Variants in SNRPN observed in about 807,000 individuals in gnomAD.
SNRPN encodes the protein small nuclear ribonucleoprotein polypeptide N, also known as small nuclear ribonucleoprotein-associated protein N.
In SNRPN, 7 loss-of-function variants were observed where a neutral mutation model predicts 25.2. That is an observed-to-expected ratio of 0.28 (90% CI 0.16 to 0.52). SNRPN has a LOEUF of 0.52. Among genes scored for constraint, SNRPN ranks in the 20% least tolerant of loss-of-function variants. The pLI is 0.96. For missense variants in SNRPN, 196 were observed against 322.5 expected, an observed-to-expected ratio of 0.61 and a Z score of 3.00; for synonymous variants, 124 against 110.6, an observed-to-expected ratio of 1.12 and a Z score of -0.76.
At chr15:24,909,410 T>A (rs889362580) in intron 2 of SNRPN, 1 of 1,596,170 alleles carries the variant, frequency 6.3e-7, no homozygotes. Flanking sequence ...GGCACTTGGC[T>A]GACCATCAAT....
At chr15:24,857,557 T>TTAAG (rs1392627237) in intron 1 of SNRPN, among the ~76,000 whole-genome samples, 1 of 147,856 alleles carries the variant, frequency 6.8e-6, no homozygotes, top group African/African-American at 2.5e-5. Flanking sequence ...TTAGCATTTT[T>TTAAG]TAAGTTTTCA....
intron 3 of SNRPN, among the ~76,000 whole-genome samples, chr15:24,928,202 C>G (rs2060543177): frequency 6.6e-6 from 1 of 151,970 alleles, no homozygotes; most frequent in Admixed American, 6.6e-5. Flanking sequence ...ATGGAACTAC[C>G]CTGTGAACCA....
intron 3 of SNRPN, among the ~76,000 whole-genome samples, chr15:24,921,485 C>T (rs927457345): frequency 6.6e-6 from 1 of 152,116 alleles, no homozygotes; most frequent in Non-Finnish European, 1.5e-5. Flanking sequence ...AACTGTGATA[C>T]GGAATCCTAA....
rs553022355 is a variant in SNRPN, at chr15:24,826,193, A to G, written c.-687+2343A>G. ...CATGTCTCTGTAGAAAATGGCTGGC[A>G]TAAGTCAATTTCTGACTGGGAGCTG... is the stretch of plus-strand genomic sequence containing the variant. On this transcript the variant is annotated intron_variant, in intron 1 of 12. Coordinates refer to the SNRPN transcript ENST00000400100. Among the ~76,000 whole-genome samples the G allele has an allele frequency of 3.2e-4, 49 of 152,196 alleles. 1 individual carries two copies. Among genetic ancestry groups the G allele is most frequent in the African/African-American group, 1.1e-3 (44 of 41,458 alleles).
At chr15:24,902,016 AG>A (rs1457753780) in intron 2 of SNRPN, among the ~76,000 whole-genome samples, 1 of 152,250 alleles carries the variant, frequency 6.6e-6, no homozygotes, top group Non-Finnish European at 1.5e-5. Flanking sequence ...ACGTAAGACA[AG>A]ATCTAATATT....
intron 3 of SNRPN, among the ~76,000 whole-genome samples, chr15:24,924,372 G>A (rs908474118): frequency 6.6e-6 from 1 of 152,022 alleles, no homozygotes; most frequent in African/African-American, 2.4e-5. Flanking sequence ...GTCTGCGTGT[G>A]TTATCAAGGT....
At chr15:24,930,925 G>T (rs1258156682) in intron 3 of SNRPN, among the ~76,000 whole-genome samples, 1 of 151,448 alleles carries the variant, frequency 6.6e-6, no homozygotes, top group African/African-American at 2.4e-5. Context: ...AATTAGCCAG[G>T]CATGGTGGTG....
In SNRPN at chr15:24,975,512, A is replaced by G; in HGVS notation, c.155+3A>G. 1 of 1,612,620 alleles carries G rather than the reference A, an allele frequency of 6.2e-7. No homozygotes were observed. Among genetic ancestry groups the G allele is most frequent in the Non-Finnish European group, 8.5e-7 (1 of 1,179,152 alleles). On this transcript the variant is annotated splice_donor_region_variant and intron_variant, in intron 5 of 9. Transcript: ENST00000390687. ...TGTGATGAGTTCAGAAAGATCAAGTAAGGCTGATTTGGGCAAATGGGGGTT... is the reference window on the plus strand; with the variant it reads ...TGTGATGAGTTCAGAAAGATCAAGTGAGGCTGATTTGGGCAAATGGGGGTT...
intron 1 of SNRPN, among the ~76,000 whole-genome samples, chr15:24,956,994 C>T (rs916916524): frequency 6.6e-6 from 1 of 152,200 alleles, no homozygotes; most frequent in Non-Finnish European, 1.5e-5. Flanking sequence ...TTTTCTGACT[C>T]CCTGGAAAAT....
intron 1 of SNRPN, chr15:24,958,598 GTCTC>G (rs1264457792): frequency 7.0e-6 from 1 of 143,570 alleles, no homozygotes; most frequent in Non-Finnish European, 1.5e-5. Flanking sequence ...TCCCTCCTCA[GTCTC>G]TCTCTGGCCA....
chr15:24,868,858 C>A (rs989382599), intron 1 of SNRPN, among the ~76,000 whole-genome samples: 1 of 151,992 alleles, frequency 6.6e-6, no homozygotes, highest in East Asian at 1.9e-4. Flanking sequence ...AAGGAGAGAC[C>A]AGGTGCAATA....
At chr15:24,927,951 C>T (rs1001669687) in intron 3 of SNRPN, among the ~76,000 whole-genome samples, 12 of 152,138 alleles carry the variant, frequency 7.9e-5, no homozygotes, top group South Asian at 2.1e-4. Context: ...CTATTGTGGT[C>T]GTCAAAATGA....
chr15:24,881,891 T>C (rs958410964), intron 1 of SNRPN, among the ~76,000 whole-genome samples: 3 of 152,154 alleles, frequency 2.0e-5, no homozygotes, highest in Admixed American at 6.5e-5. Flanking sequence ...AGCCTGGCTT[T>C]AGGATCAGAT....
intron 2 of SNRPN, among the ~76,000 whole-genome samples, chr15:24,890,033 T>C (rs1355677437): frequency 7.0e-6 from 1 of 142,298 alleles, no homozygotes; most frequent in Non-Finnish European, 1.5e-5. Context: ...CTAGGTGAGA[T>C]TGAAACTCCA....
At chr15:24,845,337 G>C (rs901879346) in intron 2 of SNRPN, among the ~76,000 whole-genome samples, 1 of 152,134 alleles carries the variant, frequency 6.6e-6, no homozygotes, top group Non-Finnish European at 1.5e-5. Context: ...GGTGGCTCAC[G>C]CCTGTAATCT....
intron 1 of SNRPN, among the ~76,000 whole-genome samples, chr15:24,876,780 T>G (rs1242863744): frequency 1.3e-5 from 2 of 152,136 alleles, no homozygotes; most frequent in East Asian, 3.9e-4. Context: ...GAAAACCATG[T>G]AAATTAGAAC....
At chr15:24,938,063 T>A (rs1004893943) in intron 3 of SNRPN, among the ~76,000 whole-genome samples, 4 of 152,132 alleles carry the variant, frequency 2.6e-5, no homozygotes, top group African/African-American at 9.7e-5. Flanking sequence ...CAAATAATGC[T>A]GCTATGAACA....
intron 2 of SNRPN, among the ~76,000 whole-genome samples, chr15:24,831,418 A>G (rs919913849): frequency 4.6e-5 from 7 of 152,152 alleles, no homozygotes; most frequent in African/African-American, 1.7e-4. Context: ...AGAATAATAT[A>G]TATTGTGAAG....
In SNRPN at chr15:24,824,862, A is replaced by C. The variant is rs75920676; in HGVS notation, c.-687+1012A>C. On this transcript the variant is annotated intron_variant, in intron 1 of 12. Transcript: ENST00000400100. ...AACTTAGGAGTCCAAAAAGCAGGCT[A>C]GGAATTGTTTAGGTTCTGCAATACG... Among the ~76,000 whole-genome samples, 46 of 152,228 alleles carry C rather than the reference A, an allele frequency of 3.0e-4. No homozygotes were observed. The East Asian group carries it at 6.4e-3, about 21-fold the overall frequency.
Sources: allele counts gnomAD v4.1 joint callset (sites outside exome capture counted in the v4.1 genomes callset), GRCh38; gene constraint gnomAD v4.1.1; transcripts MANE v1.5; gene names NCBI Gene and HGNC (gene_info 2026-07-23, HGNC 2026-07-21).